NUP188: variants seen among roughly 807,000 people sequenced by gnomAD.
NUP188 encodes nucleoporin NUP188.
NUP188 carries 97 observed loss-of-function variants against 223.0 expected under a neutral mutation model. That is an observed-to-expected ratio of 0.43 (90% confidence interval 0.37 to 0.51). The LOEUF (loss-of-function observed/expected upper bound fraction) is 0.51, where lower values mean the gene tolerates loss of function less well. Ranked by LOEUF, NUP188 falls within the 20% of genes least tolerant of loss-of-function variation. The pLI, the probability that NUP188 is intolerant of heterozygous loss-of-function variation, is 0.00. For missense variants in NUP188, 1,947 were observed against 2,175.6 expected (o/e 0.89, Z 2.09); for synonymous variants, 869 against 828.0 (o/e 1.05, Z -0.85).
intron 30 of NUP188, among the ~76,000 whole-genome samples, chr9:128,996,751 CT>C (rs925079117): frequency 1.8e-4 from 28 of 152,236 alleles, no homozygotes; most frequent in South Asian, 8.3e-4. Flanking sequence ...AATTGTAGCT[CT>C]GAAAATCCCA....
chr9:128,967,533 G>A (rs1172411601), intron 8 of NUP188, among the ~76,000 whole-genome samples: 2 of 151,970 alleles, frequency 1.3e-5, no homozygotes, highest in Non-Finnish European at 2.9e-5. Flanking sequence ...GCTCACGCCT[G>A]TAATCCCAGC....
chr9:129,003,670 A>T, intron 38 of NUP188: 1 of 652,650 alleles, frequency 1.5e-6, no homozygotes, highest in Non-Finnish European at 2.7e-6. Context: ...TTGGACTTTT[A>T]TCAGTTAGAT....
At chr9:128,948,064 TC>T (rs1841715724) in intron 1 of NUP188, 1 of 286,560 alleles carries the variant, frequency 3.5e-6, no homozygotes, top group African/African-American at 2.2e-5. Context: ...CACCCGCGCT[TC>T]CTTCTCCGGC....
chr9:128,975,764 T>A (rs754282336), intron 12 of NUP188, among the ~76,000 whole-genome samples: 1 of 151,282 alleles, frequency 6.6e-6, no homozygotes, highest in Non-Finnish European at 1.5e-5. Context: ...GTGATCCGCC[T>A]GCCTCAGCCT....
At chr9:128,968,479 C>T in intron 8 of NUP188, 27 bp from the exon 9 acceptor site, 1 of 1,560,714 alleles carries the variant, frequency 6.4e-7, no homozygotes, top group South Asian at 1.1e-5. Context: ...TTATTTCTCT[C>T]CCATTTTGTT....
At chr9:128,995,571 A>T in intron 30 of NUP188, 57 bp downstream of exon 30, 1 of 1,426,742 alleles carries the variant, frequency 7.0e-7, no homozygotes, top group Non-Finnish European at 9.5e-7. Flanking sequence ...ATGTGTTGAC[A>T]TGAGCCTAGC....
At chr9:129,003,014 G>T in intron 37 of NUP188, 39 bp downstream of exon 37, 1 of 1,605,160 alleles carries the variant, frequency 6.2e-7, no homozygotes, top group Non-Finnish European at 8.5e-7. Flanking sequence ...GGAGTTTCAG[G>T]GTAAAAAAGG....
intron 19 of NUP188, among the ~76,000 whole-genome samples, chr9:128,984,160 C>T (rs1236509689): frequency 2.0e-5 from 2 of 99,634 alleles, no homozygotes; most frequent in African/African-American, 1.3e-4. Context: ...GAGTTGCGCT[C>T]TTGTTGCCCC....
intron 31 of NUP188, 124 bp downstream of exon 31, chr9:128,998,352 G>T: frequency 9.4e-7 from 1 of 1,066,692 alleles, no homozygotes; most frequent in Non-Finnish European, 1.4e-6. Flanking sequence ...ACGTTGGCCT[G>T]GGAGGCCTGA....
At chr9:128,952,726 A>G (rs925421734) in intron 2 of NUP188, 47 bp from the exon 3 acceptor site, 9 of 1,546,732 alleles carry the variant, frequency 5.8e-6, no homozygotes, top group African/African-American at 2.7e-5. Flanking sequence ...CTGTCTCAAA[A>G]AAAAAAAAAA....
At chr9:129,002,117 C>G in intron 36 of NUP188, 141 bp downstream of exon 36, 2 of 680,338 alleles carry the variant, frequency 2.9e-6, no homozygotes, top group Non-Finnish European at 5.1e-6. Flanking sequence ...TTCCCTGCCC[C>G]CAGGCGGATC....
intron 18 of NUP188, 43 bp from the exon 19 acceptor site, chr9:128,983,431 C>A (rs763754335): frequency 1.9e-6 from 3 of 1,603,508 alleles, no homozygotes; most frequent in Non-Finnish European, 1.7e-6. Flanking sequence ...TTGGCACATA[C>A]CTGAAGATAT....
chr9:128,988,329 C>T (rs562453181), intron 24 of NUP188, 143 bp downstream of exon 24: 1 of 894,326 alleles, frequency 1.1e-6, no homozygotes, highest in African/African-American at 1.7e-5. Flanking sequence ...ATTACCAGCT[C>T]CTTTCCTGAA....
rs1282527023 is a variant in NUP188 at position 129,006,311 on chromosome 9, C to T, written c.5016C>T (p.Asp1672=). 3 of 1,614,068 alleles carry T rather than the reference C, an allele frequency of 1.9e-6. No homozygotes were observed. The African/African-American group carries it at 4.0e-5, about 22-fold the overall frequency. ...CTCAGGCGATGCGGTACCTTAGGGA[C>T]CCGGCTGTGCACCCCCGGGACAAAC... ...LISQAMRYLR[D]PAVHPRDKQR... The change falls in exon 43 of 44, where the codon GAC becomes GAT. Residue 1672 remains aspartate (D), a synonymous_variant. Coordinates refer to ENST00000372577, the MANE Select transcript of NUP188 (RefSeq NM_015354.3).
intron 23 of NUP188, 70 bp from the exon 24 acceptor site, chr9:128,987,977 A>G: frequency 6.6e-7 from 1 of 1,518,902 alleles, no homozygotes; most frequent in East Asian, 2.3e-5. Context: ...AATCTAATTC[A>G]TGAGAGCACA....
At chr9:128,993,983 G>A (rs1411991255) in intron 27 of NUP188, among the ~76,000 whole-genome samples, 4 of 152,180 alleles carry the variant, frequency 2.6e-5, no homozygotes, top group Admixed American at 2.6e-4. Context: ...CAGGAGAGAG[G>A]CGCTTGCTCA....
At chr9:128,955,273 CT>C (rs1841853142) in intron 3 of NUP188, among the ~76,000 whole-genome samples, 1 of 152,182 alleles carries the variant, frequency 6.6e-6, no homozygotes, top group South Asian at 2.1e-4. Context: ...TGTAAAGTTA[CT>C]TTTTTCTCTT....
intron 35 of NUP188, 29 bp from the exon 36 acceptor site, chr9:129,001,853 CAT>C (rs1842675873): frequency 2.5e-6 from 4 of 1,605,626 alleles, no homozygotes; most frequent in Non-Finnish European, 3.4e-6. Context: ...GGGCAGGCTC[CAT>C]CTCATTTCCT....
chr9:128,990,026 A>G lies in NUP188; in HGVS notation c.2534-94A>G, dbSNP rs1173526920. 7 of 947,462 alleles carry G rather than the reference A, an allele frequency of 7.4e-6. No homozygotes were observed. The East Asian group carries it at 1.4e-4, about 20-fold the overall frequency. 58.7% of individuals were successfully genotyped at this position (947,462 alleles called of 1,614,324 possible). A position where few individuals can be genotyped will look rare whatever the true frequency, so the allele number is the denominator to read the frequency against. ...CAAGTACTTGAGGGTAAATTCCTTC[A>G]CATACACACTGTGGGTCTTTTTTGA... On this transcript the variant is annotated intron_variant, in intron 24 of 43. Coordinates refer to ENST00000372577, the MANE Select transcript of NUP188 (RefSeq NM_015354.3).
Sources: allele counts gnomAD v4.1 joint callset (sites outside exome capture counted in the v4.1 genomes callset), GRCh38; gene constraint gnomAD v4.1.1; transcripts MANE v1.5; gene names NCBI Gene and HGNC (gene_info 2026-07-23, HGNC 2026-07-21).